The following MOK variants were observed in gnomAD, a reference collection of about 807,000 sequenced individuals.
MOK encodes the protein MAPK/MAK/MRK overlapping kinase.
MOK carries 59 observed loss-of-function variants against 54.2 expected under a neutral mutation model. The ratio of observed to expected loss-of-function variants is 1.09; its 90% CI spans 0.88 to 1.35. The LOEUF (loss-of-function observed/expected upper bound fraction) is 1.35. MOK is among the 40% of genes most tolerant of loss of function. MOK has a pLI of 0.00. For missense variants in MOK, 517 were observed against 526.2 expected (o/e 0.98, Z 0.17); for synonymous variants, 210 against 202.7 (o/e 1.04, Z -0.31).
chr14:102,276,791 CAA>C (rs34807608), intron 2 of MOK, among the ~76,000 whole-genome samples: 131 of 100,906 alleles, frequency 1.3e-3, no homozygotes, highest in African/African-American at 3.4e-3. Context: ...AACTCCGTCT[CAA>C]AAAAAAAAAA....
downstream of MOK, chr14:102,223,118 T>G (rs554284626): frequency 2.2e-5 from 9 of 418,154 alleles, no homozygotes; most frequent in African/African-American, 6.2e-5. Flanking sequence ...AAATAAGAAA[T>G]GGAGTTTTCT....
chr14:102,266,134 C>CT (rs1232874119), intron 2 of MOK, among the ~76,000 whole-genome samples: 1 of 152,098 alleles, frequency 6.6e-6, no homozygotes, highest in Non-Finnish European at 1.5e-5. Flanking sequence ...TTTTTCCCAT[C>CT]TAAGATCCTG....
chr14:102,246,581 C>T (rs2153104529), intron 7 of MOK, among the ~76,000 whole-genome samples: 1 of 152,218 alleles, frequency 6.6e-6, no homozygotes, highest in South Asian at 2.1e-4. Flanking sequence ...ACAATGCAAC[C>T]CCTGCTCAGC....
At chr14:102,289,700 G>C (rs1358104852) in intron 1 of MOK, among the ~76,000 whole-genome samples, 1 of 151,958 alleles carries the variant, frequency 6.6e-6, no homozygotes, top group Non-Finnish European at 1.5e-5. Context: ...ATGTTGGCCA[G>C]GCTGGTCTCG....
At chr14:102,220,677 G>T (rs2063778399), downstream of MOK, among the ~76,000 whole-genome samples, 1 of 145,378 alleles carries the variant, frequency 6.9e-6, no homozygotes, top group Admixed American at 7.0e-5. The surrounding 1 kb of genome is among the most constrained non-coding windows in gnomAD (Gnocchi z 4.2). Context: ...CCAAGATCGT[G>T]CCACTGCACT....
rs529255525 is a variant in MOK at position 102,289,991 on chromosome 14, G to A, written c.8-6399C>T. 2.6e-5 allele frequency among the ~76,000 whole-genome samples: 4 copies of A among 151,976 alleles called. No individual in the cohort carries two copies. The South Asian group carries it at 6.3e-4, about 24-fold the overall frequency. On this transcript the variant is annotated intron_variant, in intron 1 of 11. Transcript: ENST00000361847. Reference sequence around the variant, plus strand: ...GATTCTTTTTCTCCATGGTTAGAACGAGACATCCTCTTCTGGTTTCTCAAA... The same window carrying A: ...GATTCTTTTTCTCCATGGTTAGAACAAGACATCCTCTTCTGGTTTCTCAAA...
At position 102,231,617 on chromosome 14, in the gene MOK, G is replaced by T; in HGVS notation, c.981+90C>A. On this transcript the variant is annotated intron_variant, in intron 10 of 11. Transcript: ENST00000361847. The surrounding 1 kb of genome is among the most constrained non-coding windows in gnomAD (Gnocchi z 4.4). ...ATGTGGTCTGCCACAGCCTCCACAG[G>T]TGGCGTCCTCCTGAGAGAGACACAG... 9.0e-7 allele frequency: 1 copy of T among 1,107,286 alleles called. No homozygotes were observed. The allele number at this position is 1,107,286 out of a possible 1,614,324, so 68.6% of individuals were successfully genotyped here.
rs371479843 is a variant in MOK at position 102,265,815 on chromosome 14, A to G, written c.212+8T>C. ...TTAGATAACTTTTCAAGCTCCAAAT[A>G]TACTTACAAAACCACTTCATGCAAC... On this transcript the variant is annotated splice_region_variant and intron_variant, in intron 3 of 11. Coordinates refer to ENST00000361847, the MANE Select transcript of MOK (RefSeq NM_014226.3). 9 of 1,607,728 alleles carry G rather than the reference A, an allele frequency of 5.6e-6. No homozygotes were observed. In the African/African-American group the frequency reaches 1.2e-4, roughly 21 times the overall value.
intron 1 of MOK, among the ~76,000 whole-genome samples, chr14:102,303,298 A>T (rs1315013063): frequency 6.6e-6 from 1 of 152,192 alleles, no homozygotes; most frequent in Admixed American, 6.5e-5. Flanking sequence ...GTTGCCTCTC[A>T]CATATTCCTG....
chr14:102,282,580 C>CA (rs2069563247), intron 2 of MOK, among the ~76,000 whole-genome samples: 1 of 150,990 alleles, frequency 6.6e-6, no homozygotes, highest in Admixed American at 6.6e-5. Flanking sequence ...ATAAAAAATA[C>CA]AAAAATTAGC....
At position 102,244,787 on chromosome 14, in the gene MOK, A is replaced by G. The variant is rs1165631988; in HGVS notation, c.590+6025T>C. On this transcript the variant is annotated intron_variant, in intron 7 of 11. Transcript: ENST00000361847. ...GGCCTTCCCACCTCTATACGGTCCA[A>G]TAACGGACTGGCCTTTATTAGTCAA... 2.0e-5 allele frequency among the ~76,000 whole-genome samples: 3 copies of G among 152,188 alleles called. 1 individual carries two copies. Among genetic ancestry groups the G allele is most frequent in the African/African-American group, 7.2e-5 (3 of 41,450 alleles).
rs1440326990 is a variant in MOK at position 102,245,022 on chromosome 14, C to T, written c.590+5790G>A. Among the ~76,000 whole-genome samples, 1 of 152,170 alleles carries T rather than the reference C, an allele frequency of 6.6e-6. No individual in the cohort carries two copies. Among genetic ancestry groups the T allele is most frequent in the Non-Finnish European group, 1.5e-5 (1 of 68,038 alleles). ...CCAAGCAAGTAATTACGCTGAACCC[C>T]CTTGGGCACTCCCTAATTGGAAGTC... On this transcript the variant is annotated intron_variant, in intron 7 of 11. Coordinates refer to ENST00000361847, the MANE Select transcript of MOK (RefSeq NM_014226.3). The surrounding 1 kb of genome is among the most constrained non-coding windows in gnomAD (Gnocchi z 4.3).
intron 3 of MOK, among the ~76,000 whole-genome samples, chr14:102,265,410 T>C (rs2067812555): frequency 6.6e-6 from 1 of 152,186 alleles, no homozygotes; most frequent in Non-Finnish European, 1.5e-5. Flanking sequence ...GGTGGGTGGA[T>C]AACCTGAGGT....
At position 102,242,108 on chromosome 14, in the gene MOK, T is replaced by C. The variant is rs115237137; in HGVS notation, c.591-8319A>G. On this transcript the variant is annotated intron_variant, in intron 7 of 11. Coordinates refer to ENST00000361847, the MANE Select transcript of MOK (RefSeq NM_014226.3). ...CTTGGCTTTAGCGGCTGAAGACTAA[T>C]GCTACCTGATTGCCTCGGAAGCCTC... is the stretch of plus-strand genomic sequence containing the variant. 4.6e-3 allele frequency among the ~76,000 whole-genome samples: 703 copies of C among 152,358 alleles called. 6 individuals carry two copies. Among genetic ancestry groups the C allele is most frequent in the African/African-American group, 0.016 (652 of 41,586 alleles).
downstream of MOK, chr14:102,222,929 G>A (rs1251604761): frequency 6.2e-7 from 1 of 1,610,674 alleles, no homozygotes; most frequent in Admixed American, 1.7e-5. The surrounding 1 kb of genome is among the most constrained non-coding windows in gnomAD (Gnocchi z 4.4). Context: ...TGGACTCGAG[G>A]GAGTGACGAG....
downstream of MOK, chr14:102,226,232 G>C (rs2064234597): frequency 6.2e-6 from 4 of 649,808 alleles, no homozygotes; most frequent in Non-Finnish European, 1.1e-5. This position sits in a 1 kb window ranked among gnomAD's most constrained non-coding sequence, Gnocchi z 4.8. Context: ...CTGTGCTTCT[G>C]CCCGGTGTCT....
intron 2 of MOK, among the ~76,000 whole-genome samples, chr14:102,272,299 C>G (rs551263918): frequency 1.3e-5 from 2 of 152,248 alleles, no homozygotes; most frequent in Non-Finnish European, 2.9e-5. Context: ...GACAGCCTGG[C>G]CAACATGGCA....
the MOK span, among the ~76,000 whole-genome samples, chr14:102,215,257 G>A: frequency 3.3e-5 from 5 of 152,206 alleles, no homozygotes. Flanking sequence ...TCCGGGAGAA[G>A]GACTGTTGAT....
chr14:102,284,487 A>G (rs1245689783), intron 1 of MOK, among the ~76,000 whole-genome samples: 3 of 152,092 alleles, frequency 2.0e-5, no homozygotes, highest in Non-Finnish European at 4.4e-5. Flanking sequence ...AAAGATAAGT[A>G]CAGGCAAGAA....
Sources: gnomAD v4.1 joint callset for allele counts (sites outside exome capture counted in the v4.1 genomes callset) on GRCh38, gnomAD v4.1.1 for gene constraint, Gnocchi (gnomAD v3.1) non-coding constraint, MANE v1.5 for transcripts, NCBI Gene and HGNC (gene_info 2026-07-23, HGNC 2026-07-21) for gene names.